FSTL4: variants seen among roughly 807,000 people sequenced by gnomAD.
FSTL4 encodes follistatin-related protein 4.
FSTL4 carries 28 observed loss-of-function variants against 78.2 expected under a neutral mutation model. The observed-to-expected ratio is 0.36, with a 90% CI of 0.27 to 0.49. FSTL4 has a LOEUF of 0.49. Ranked by LOEUF, FSTL4 falls within the 20% of genes least tolerant of loss-of-function variation. The probability of loss-of-function intolerance (pLI) is 0.98; values close to 1 mark genes in which losing one functional copy is unlikely to be tolerated. For missense variants in FSTL4, 922 were observed against 1,084.9 expected (o/e 0.85, Z 2.11); for synonymous variants, 422 against 440.5 (o/e 0.96, Z 0.53).
chr5:133,655,600 A>G, the FSTL4 span, among the ~76,000 whole-genome samples: 1 of 152,240 alleles, frequency 6.6e-6, no homozygotes, highest in African/African-American at 2.4e-5. Context: ...GGTGAACTAT[A>G]CATTGAATAC....
intron 3 of FSTL4, among the ~76,000 whole-genome samples, chr5:133,550,037 G>A (rs1010844416): frequency 2.6e-5 from 4 of 152,118 alleles, no homozygotes; most frequent in South Asian, 2.1e-4. Context: ...TCTTGAGGTC[G>A]TAACAATCAG....
intron 3 of FSTL4, among the ~76,000 whole-genome samples, chr5:133,540,324 A>T (rs962138544): frequency 2.1e-4 from 32 of 152,024 alleles, no homozygotes; most frequent in African/African-American, 7.7e-4. Context: ...ACCCTAATAC[A>T]TACTTTTTCC....
At chr5:133,662,445 A>G in the FSTL4 span, among the ~76,000 whole-genome samples, 248 of 152,314 alleles carry the variant, frequency 1.6e-3, 3 homozygotes, top group African/African-American at 5.7e-3. Flanking sequence ...TTTTCTCCAG[A>G]TCAGACAACC....
intron 3 of FSTL4, among the ~76,000 whole-genome samples, chr5:133,511,424 C>T (rs1016256390): frequency 2.6e-5 from 4 of 152,142 alleles, no homozygotes; most frequent in Admixed American, 6.5e-5. Flanking sequence ...ATACCCACAG[C>T]CTCTTCTAAG....
intron 2 of FSTL4, among the ~76,000 whole-genome samples, chr5:133,594,566 A>G (rs953228261): frequency 1.3e-5 from 2 of 152,212 alleles, no homozygotes; most frequent in Admixed American, 6.5e-5. Flanking sequence ...TAGCAGAGGA[A>G]GAAGAGGAGG....
intron 4 of FSTL4, among the ~76,000 whole-genome samples, chr5:133,388,197 C>T (rs935501426): frequency 3.9e-5 from 6 of 152,216 alleles, no homozygotes; most frequent in African/African-American, 1.4e-4. Flanking sequence ...TTGAGTTCCT[C>T]TTTGTCAGAT....
chr5:133,633,369 C>T, the FSTL4 span, among the ~76,000 whole-genome samples: 1 of 152,174 alleles, frequency 6.6e-6, no homozygotes, highest in Non-Finnish European at 1.5e-5. Flanking sequence ...TTCAAACTCA[C>T]TAATTATTTC....
chr5:133,355,294 T>C lies in FSTL4; in HGVS notation c.410-38642A>G, dbSNP rs375962513. Among the ~76,000 whole-genome samples the C allele has an allele frequency of 1.1e-4, 16 of 152,314 alleles. 1 individual carries two copies. The South Asian group carries it at 1.7e-3, about 16-fold the overall frequency. On this transcript the variant is annotated intron_variant, in intron 4 of 15. Transcript: ENST00000265342. The stretch of plus-strand genomic sequence containing the variant: ...ACTTAGCATGAAGCTAAATTGAATA[T>C]GACTGAATGTTTCTTTGGGTTCAGA...
intron 2 of FSTL4, among the ~76,000 whole-genome samples, chr5:133,599,668 A>T (rs1281080722): frequency 6.6e-6 from 1 of 151,906 alleles, no homozygotes; most frequent in Non-Finnish European, 1.5e-5. Context: ...TGTAACGCCC[A>T]CCATTCAATC....
the FSTL4 span, among the ~76,000 whole-genome samples, chr5:133,682,457 A>T: frequency 1.3e-5 from 2 of 152,240 alleles, no homozygotes; most frequent in East Asian, 3.8e-4. Context: ...GTGGGTATGG[A>T]AAGGACTTAC....
At chr5:133,276,348 A>G (rs1752883445) in intron 6 of FSTL4, among the ~76,000 whole-genome samples, 1 of 152,188 alleles carries the variant, frequency 6.6e-6, no homozygotes, top group South Asian at 2.1e-4. Context: ...GGCTGTCTAC[A>G]GGCTGGGGAT....
intron 3 of FSTL4, among the ~76,000 whole-genome samples, chr5:133,546,025 G>A (rs1458566999): frequency 6.6e-6 from 1 of 152,226 alleles, no homozygotes; most frequent in East Asian, 1.9e-4. Context: ...GAACTTAAGA[G>A]CAATGAATTA....
chr5:133,774,982 C>CCA, the FSTL4 span, among the ~76,000 whole-genome samples: 30 of 106,782 alleles, frequency 2.8e-4, no homozygotes, highest in Middle Eastern at 5.8e-3. Context: ...TCTAAAATGA[C>CCA]AAAAAAAAAA....
At chr5:133,219,602 T>A (rs1751028668) in intron 12 of FSTL4, among the ~76,000 whole-genome samples, 1 of 152,198 alleles carries the variant, frequency 6.6e-6, no homozygotes, top group Admixed American at 6.5e-5. Flanking sequence ...CCCATTGTAA[T>A]TCTCGTTAGG....
At chr5:133,281,056 C>T (rs1414306500) in intron 6 of FSTL4, among the ~76,000 whole-genome samples, 1 of 152,204 alleles carries the variant, frequency 6.6e-6, no homozygotes, top group African/African-American at 2.4e-5. Flanking sequence ...ACACATGGAA[C>T]GTGCTGGGTA....
the FSTL4 span, among the ~76,000 whole-genome samples, chr5:133,686,601 T>A: frequency 6.6e-6 from 1 of 152,186 alleles, no homozygotes; most frequent in Non-Finnish European, 1.5e-5. Context: ...CTTCCCCTTA[T>A]CCACACACGT....
At chr5:133,494,824 T>A (rs1249187001) in intron 3 of FSTL4, among the ~76,000 whole-genome samples, 1 of 152,202 alleles carries the variant, frequency 6.6e-6, no homozygotes, top group Non-Finnish European at 1.5e-5. Context: ...CTTGAGCACA[T>A]CCCTCTGGCA....
At chr5:133,205,783 TAATC>T (rs34850790) in intron 14 of FSTL4, among the ~76,000 whole-genome samples, 41,218 of 151,822 alleles carry the variant, frequency 0.27, 5,961 homozygotes, top group East Asian at 0.43. Context: ...TCTTTGTTTG[TAATC>T]AATCACTGAG....
the FSTL4 span, among the ~76,000 whole-genome samples, chr5:133,736,711 T>C: frequency 6.6e-6 from 1 of 152,160 alleles, no homozygotes; most frequent in Non-Finnish European, 1.5e-5. Context: ...CCAAAGGCAC[T>C]GGTGCCTGGG....
Sources: gnomAD v4.1 joint callset for allele counts (sites outside exome capture counted in the v4.1 genomes callset) on GRCh38, gnomAD v4.1.1 for gene constraint, MANE v1.5 for transcripts, NCBI Gene and HGNC (gene_info 2026-07-23, HGNC 2026-07-21) for gene names.